Variants in PPP1CB observed in about 807,000 individuals in gnomAD.
The protein encoded by PPP1CB is serine/threonine-protein phosphatase PP1-beta catalytic subunit.
A neutral mutation model predicts 43.7 loss-of-function variants in PPP1CB; 2 were observed. The observed-to-expected ratio is 0.05, with a 90% CI of 0.02 to 0.14. The LOEUF is 0.14. Among genes scored for constraint, PPP1CB ranks in the 10% least tolerant of loss-of-function variants. PPP1CB has a pLI of 1.00. For synonymous variants in PPP1CB, 136 were observed against 135.6 expected, an observed-to-expected ratio of 1.00 and a Z score of -0.02; for missense variants, 84 against 398.0, an observed-to-expected ratio of 0.21 and a Z score of 6.71.
In PPP1CB at chr2:28,802,786, T is replaced by A. The variant is rs375415195; in HGVS notation, c.*3483T>A. 12 of 152,352 alleles carry A rather than the reference T, an allele frequency of 7.9e-5. No homozygotes were observed. Among genetic ancestry groups the A allele is most frequent in the African/African-American group, 2.9e-4 (12 of 41,588 alleles). 9.4% of individuals were successfully genotyped at this position (152,352 alleles called of 1,614,324 possible). ...TGCCAGAATTTCTAAATAAATCCCC[T>A]GGTTAGGAAATTTTAAAAGTCAAAG... is the stretch of plus-strand genomic sequence containing the variant. On this transcript the variant is annotated 3_prime_UTR_variant, in exon 8 of 8. Coordinates refer to ENST00000395366, the MANE Select transcript of PPP1CB (RefSeq NM_002709.3).
intron 1 of PPP1CB, among the ~76,000 whole-genome samples, chr2:28,773,321 G>A (rs1045404950): frequency 6.6e-6 from 1 of 152,272 alleles, no homozygotes; most frequent in Middle Eastern, 3.4e-3. Context: ...TTTATGTGGT[G>A]AAGTGGAAAA....
intron 1 of PPP1CB, among the ~76,000 whole-genome samples, chr2:28,768,505 C>T (rs1002934742): frequency 6.6e-6 from 1 of 152,148 alleles, no homozygotes; most frequent in Admixed American, 6.6e-5. Flanking sequence ...ATTTCAGTAT[C>T]TAATGCCAGA....
intron 6 of PPP1CB, among the ~76,000 whole-genome samples, chr2:28,790,428 CT>C (rs1344589331): frequency 1.3e-5 from 2 of 152,168 alleles, no homozygotes; most frequent in Non-Finnish European, 2.9e-5. Flanking sequence ...CAACTTCCGC[CT>C]CCCAGGTTCA....
chr2:28,762,818 A>T (rs1223243027), intron 1 of PPP1CB, among the ~76,000 whole-genome samples: 3 of 152,232 alleles, frequency 2.0e-5, no homozygotes, highest in African/African-American at 7.2e-5. Flanking sequence ...CTAATACAGT[A>T]TCCAGAAATG....
At chr2:28,791,964 TA>T (rs746881370) in intron 6 of PPP1CB, among the ~76,000 whole-genome samples, 1 of 151,932 alleles carries the variant, frequency 6.6e-6, no homozygotes, top group Non-Finnish European at 1.5e-5. Context: ...GTAAGCAAAC[TA>T]AAAAACCAAG....
intron 1 of PPP1CB, among the ~76,000 whole-genome samples, chr2:28,767,759 G>T (rs1376188991): frequency 6.6e-6 from 1 of 152,094 alleles, no homozygotes; most frequent in East Asian, 1.9e-4. Context: ...TGTCACAGAG[G>T]ATTCTTTTGT....
chr2:28,751,819 T>C (rs1387128095), upstream of PPP1CB: 1 of 448,532 alleles, frequency 2.2e-6, no homozygotes, highest in Non-Finnish European at 4.1e-6. Context: ...TCGGCGGCGC[T>C]GGTGAGCTTT....
rs1260563453 is a variant in PPP1CB at position 28,802,849 on chromosome 2, C to CT, written c.*3548dup. 1 of 152,212 alleles carries CT rather than the reference C, an allele frequency of 6.6e-6. No homozygotes were observed. Among genetic ancestry groups the CT allele is most frequent in the Non-Finnish European group, 1.5e-5 (1 of 68,032 alleles). 9.4% of individuals were successfully genotyped at this position (152,212 alleles called of 1,614,324 possible). A position where few individuals can be genotyped will look rare whatever the true frequency, so the allele number is the denominator to read the frequency against. ...AACCACTACCTTCTACATTGGTTGA[C>CT]TTAGACCGTAAGCTTTTTAAGTTTC... On this transcript the variant is annotated 3_prime_UTR_variant, in exon 8 of 8. Transcript: ENST00000395366.
intron 1 of PPP1CB, among the ~76,000 whole-genome samples, chr2:28,752,467 C>T (rs1329258143): frequency 1.3e-5 from 2 of 152,150 alleles, no homozygotes; most frequent in South Asian, 4.1e-4. Flanking sequence ...CGGGAGACAG[C>T]CTTTCGGAAA....
intron 4 of PPP1CB, chr2:28,782,612 C>G (rs577097531): frequency 2.0e-4 from 30 of 152,208 alleles, no homozygotes; most frequent in African/African-American, 5.5e-4. Flanking sequence ...TCTTTGTTGT[C>G]TAGTTTAGGG....
intron 1 of PPP1CB, among the ~76,000 whole-genome samples, chr2:28,764,596 T>G (rs1224791539): frequency 6.6e-6 from 1 of 152,096 alleles, no homozygotes; most frequent in Non-Finnish European, 1.5e-5. Flanking sequence ...TGTCTAGATT[T>G]AACTGCCATT....
intron 6 of PPP1CB, 30 bp downstream of exon 6, chr2:28,788,839 C>A: frequency 6.4e-7 from 1 of 1,554,920 alleles, no homozygotes; most frequent in Admixed American, 2.2e-5. Context: ...TAAGCTTTTT[C>A]TTTTTTCTTT....
intron 4 of PPP1CB, 129 bp downstream of exon 4, chr2:28,781,971 T>C: frequency 1.4e-6 from 1 of 697,612 alleles, no homozygotes; most frequent in Non-Finnish European, 2.6e-6. Flanking sequence ...AAAACTGTTT[T>C]AAACATGGCT....
At chr2:28,776,781 C>A in intron 1 of PPP1CB, 70 bp from the exon 2 acceptor site, 1 of 1,452,006 alleles carries the variant, frequency 6.9e-7, no homozygotes, top group African/African-American at 1.4e-5. Flanking sequence ...AAAGTATGGG[C>A]ATGACTCTTT....
chr2:28,793,496 TTAAAA>T (rs752849802), intron 6 of PPP1CB, among the ~76,000 whole-genome samples: 16 of 152,170 alleles, frequency 1.1e-4, no homozygotes, highest in East Asian at 1.9e-4. Flanking sequence ...CGTAGATTAA[TTAAAA>T]TAAAATTAAA....
intron 6 of PPP1CB, 111 bp downstream of exon 6, chr2:28,788,920 C>T (rs1463005008): frequency 1.8e-6 from 2 of 1,117,300 alleles, no homozygotes; most frequent in East Asian, 2.6e-5. Flanking sequence ...TGCAATGGCG[C>T]AATCTCTGCT....
intron 5 of PPP1CB, among the ~76,000 whole-genome samples, chr2:28,784,737 G>A (rs1667223603): frequency 6.6e-6 from 1 of 151,812 alleles, no homozygotes. Flanking sequence ...TGGCCAACGT[G>A]ATGAAACCCC....
chr2:28,769,879 AAGAG>A (rs1179884487), intron 1 of PPP1CB, among the ~76,000 whole-genome samples: 1 of 152,194 alleles, frequency 6.6e-6, no homozygotes, highest in Non-Finnish European at 1.5e-5. Flanking sequence ...AATGCAGGGA[AAGAG>A]AGAGGAATGA....
chr2:28,768,321 G>T (rs928590593), intron 1 of PPP1CB, among the ~76,000 whole-genome samples: 3 of 152,068 alleles, frequency 2.0e-5, no homozygotes, highest in Admixed American at 6.5e-5. Context: ...GAAGTTTGGG[G>T]CCACTAAAGC....
Sources: gnomAD v4.1 joint callset for allele counts (sites outside exome capture counted in the v4.1 genomes callset) on GRCh38, gnomAD v4.1.1 for gene constraint, MANE v1.5 for transcripts, NCBI Gene and HGNC (gene_info 2026-07-23, HGNC 2026-07-21) for gene names.